EBF1: variants seen among roughly 807,000 people sequenced by gnomAD.
The protein encoded by EBF1 is transcription factor COE1.
EBF1 carries 10 observed loss-of-function variants against 68.4 expected under a neutral mutation model. That is an observed-to-expected ratio of 0.15 (90% CI 0.09 to 0.25). The LOEUF (loss-of-function observed/expected upper bound fraction) is 0.25. Among genes scored for constraint, EBF1 ranks in the 10% least tolerant of loss-of-function variants. The probability of loss-of-function intolerance (pLI) is 1.00; values close to 1 mark genes in which losing one functional copy is unlikely to be tolerated. For synonymous variants in EBF1, 298 were observed against 299.8 expected (o/e 0.99, Z 0.06); for missense variants, 509 against 794.4 (o/e 0.64, Z 4.32).
chr5:158,859,989 C>T (rs560550810), intron 6 of EBF1, among the ~76,000 whole-genome samples: 161 of 152,276 alleles, frequency 1.1e-3, no homozygotes, highest in African/African-American at 3.8e-3. Flanking sequence ...TTATACATCA[C>T]CGTTTGGTGA....
At chr5:159,054,558 T>G (rs972833455) in intron 6 of EBF1, among the ~76,000 whole-genome samples, 6 of 152,204 alleles carry the variant, frequency 3.9e-5, no homozygotes, top group African/African-American at 9.6e-5. Flanking sequence ...TATACTGTAT[T>G]GTCACTCACA....
intron 11 of EBF1, among the ~76,000 whole-genome samples, chr5:158,724,193 T>C (rs1338349038): frequency 1.3e-5 from 2 of 152,130 alleles, no homozygotes; most frequent in Non-Finnish European, 2.9e-5. Flanking sequence ...CTCAGGCATG[T>C]TTTTTCTAAG....
At chr5:158,812,337 G>A (rs1006010509) in intron 8 of EBF1, among the ~76,000 whole-genome samples, 6 of 152,104 alleles carry the variant, frequency 3.9e-5, no homozygotes, top group Admixed American at 6.6e-5. Flanking sequence ...ACCCACAATG[G>A]GCTTCTTAGG....
chr5:158,892,275 G>T (rs1801325461), intron 6 of EBF1, among the ~76,000 whole-genome samples: 1 of 152,112 alleles, frequency 6.6e-6, no homozygotes, highest in African/African-American at 2.4e-5. Flanking sequence ...GATCACTTGA[G>T]ATCAGGAGTT....
chr5:158,765,673 T>C (rs186734568), intron 10 of EBF1, among the ~76,000 whole-genome samples: 2 of 152,286 alleles, frequency 1.3e-5, no homozygotes, highest in East Asian at 1.9e-4. Context: ...TCTTCTGTTG[T>C]TGTTTCTGCT....
At chr5:159,080,144 A>G (rs1779491457) in intron 5 of EBF1, among the ~76,000 whole-genome samples, 1 of 152,288 alleles carries the variant, frequency 6.6e-6, no homozygotes, top group Non-Finnish European at 1.5e-5. Context: ...TTCCAGATCC[A>G]GAACTCAGGA....
chr5:158,824,360 G>A (rs1785544080), intron 7 of EBF1, among the ~76,000 whole-genome samples: 1 of 152,144 alleles, frequency 6.6e-6, no homozygotes, highest in South Asian at 2.1e-4. Flanking sequence ...GGAAACCTCA[G>A]GCTCTTTGAT....
chr5:158,946,327 C>A (rs1814690070), intron 6 of EBF1, among the ~76,000 whole-genome samples: 1 of 152,128 alleles, frequency 6.6e-6, no homozygotes, highest in Non-Finnish European at 1.5e-5. Flanking sequence ...GATTTATATA[C>A]CTTTGGTCTT....
chr5:158,873,968 A>G (rs1308847553), intron 6 of EBF1, among the ~76,000 whole-genome samples: 1 of 152,230 alleles, frequency 6.6e-6, no homozygotes, highest in Non-Finnish European at 1.5e-5. Context: ...ATAAGGGAAC[A>G]CAACCTGTAT....
At chr5:159,010,140 G>A (rs1342045960) in intron 6 of EBF1, among the ~76,000 whole-genome samples, 1 of 152,190 alleles carries the variant, frequency 6.6e-6, no homozygotes, top group Non-Finnish European at 1.5e-5. Flanking sequence ...ACAAAAGACA[G>A]AAGTTATGCT....
chr5:158,927,303 T>C (rs1297230921), intron 6 of EBF1, among the ~76,000 whole-genome samples: 3 of 152,208 alleles, frequency 2.0e-5, no homozygotes, highest in Non-Finnish European at 4.4e-5. Context: ...TTTTTCTCCG[T>C]GCTCTTTCCT....
In EBF1 at chr5:158,719,327, G is replaced by T. The variant is rs534820965; in HGVS notation, c.1126-5145C>A. Among the ~76,000 whole-genome samples, 23 of 152,320 alleles carry T rather than the reference G, an allele frequency of 1.5e-4. No individual in the cohort carries two copies. In the East Asian group the frequency reaches 3.9e-3, roughly 26 times the overall value. Reference sequence around the variant, plus strand: ...AGTTATAGGCTGCTAGCAACATGAGGTTGGTCCTTATGGTCCTCAGCCTTT... The same window carrying T: ...AGTTATAGGCTGCTAGCAACATGAGTTTGGTCCTTATGGTCCTCAGCCTTT... On this transcript the variant is annotated intron_variant, in intron 11 of 15. Coordinates refer to ENST00000313708, the MANE Select transcript of EBF1 (RefSeq NM_024007.5).
At chr5:159,002,983 C>A (rs956152376) in intron 6 of EBF1, among the ~76,000 whole-genome samples, 3 of 152,128 alleles carry the variant, frequency 2.0e-5, no homozygotes, top group African/African-American at 7.2e-5. Flanking sequence ...ATTTTCCTTT[C>A]GATCACTCTT....
chr5:158,724,630 C>CT (rs1340463200), intron 11 of EBF1, among the ~76,000 whole-genome samples: 1 of 152,158 alleles, frequency 6.6e-6, no homozygotes, highest in Non-Finnish European at 1.5e-5. Flanking sequence ...CATGAATGCT[C>CT]TTTAGGGAGG....
chr5:158,990,796 C>T (rs1354387377), intron 6 of EBF1, among the ~76,000 whole-genome samples: 1 of 152,194 alleles, frequency 6.6e-6, no homozygotes, highest in African/African-American at 2.4e-5. Context: ...CAGAATTCTA[C>T]TATTCCTATA....
intron 6 of EBF1, among the ~76,000 whole-genome samples, chr5:158,956,467 ACACACACACACG>A (rs1272488522): frequency 6.6e-6 from 1 of 151,578 alleles, no homozygotes; most frequent in Non-Finnish European, 1.5e-5. Flanking sequence ...ACATAGACAC[ACACACACACACG>A]CACACACACA....
intron 6 of EBF1, among the ~76,000 whole-genome samples, chr5:159,053,264 G>A (rs1488375723): frequency 6.6e-6 from 1 of 152,148 alleles, no homozygotes; most frequent in Non-Finnish European, 1.5e-5. Flanking sequence ...GGAGAAATAA[G>A]AATACTCAGC....
At chr5:158,714,093 A>G in intron 12 of EBF1, 24 bp downstream of exon 12, 1 of 1,613,054 alleles carries the variant, frequency 6.2e-7, no homozygotes, top group South Asian at 1.1e-5. Context: ...CAGTCCACAC[A>G]GGCTAGACAC....
At chr5:158,795,859 C>T (rs546736339) in intron 9 of EBF1, among the ~76,000 whole-genome samples, 1 of 152,160 alleles carries the variant, frequency 6.6e-6, no homozygotes, top group Non-Finnish European at 1.5e-5. Context: ...GTTCTCCCAG[C>T]AAATCACTCT....
Sources: gnomAD v4.1 joint callset for allele counts (sites outside exome capture counted in the v4.1 genomes callset) on GRCh38, gnomAD v4.1.1 for gene constraint, MANE v1.5 for transcripts, NCBI Gene and HGNC (gene_info 2026-07-23, HGNC 2026-07-21) for gene names.